CSGALNACT1: variants seen among roughly 807,000 people sequenced by gnomAD.
The protein encoded by CSGALNACT1 is chondroitin sulfate N-acetylgalactosaminyltransferase 1.
A neutral mutation model predicts 51.0 loss-of-function variants in CSGALNACT1; 52 were observed. That is an observed-to-expected ratio of 1.02 (90% CI 0.82 to 1.29). CSGALNACT1 has a LOEUF of 1.29. CSGALNACT1 is among the 50% of genes most tolerant of loss of function. The pLI is 0.00. For synonymous variants in CSGALNACT1, 341 were observed against 254.4 expected, an observed-to-expected ratio of 1.34 and a Z score of -3.24; for missense variants, 935 against 679.2, an observed-to-expected ratio of 1.38 and a Z score of -4.19.
At chr8:19,444,317 A>G (rs1487643016) in intron 5 of CSGALNACT1, among the ~76,000 whole-genome samples, 2 of 152,250 alleles carry the variant, frequency 1.3e-5, no homozygotes, top group Admixed American at 1.3e-4. Flanking sequence ...GACAAGGAAA[A>G]AAAAGTTTGT....
At chr8:19,585,496 C>G (rs553006747) in intron 3 of CSGALNACT1, among the ~76,000 whole-genome samples, 1 of 152,324 alleles carries the variant, frequency 6.6e-6, no homozygotes, top group African/African-American at 2.4e-5. Context: ...TAGGTAGATT[C>G]CTCCGACTTC....
intron 4 of CSGALNACT1, among the ~76,000 whole-genome samples, chr8:19,495,921 A>G (rs1168146604): frequency 6.6e-6 from 1 of 152,180 alleles, no homozygotes; most frequent in East Asian, 1.9e-4. Context: ...ACCAATACCC[A>G]TTTTAACTCC....
intron 1 of CSGALNACT1, among the ~76,000 whole-genome samples, chr8:19,628,432 C>A (rs1348652999): frequency 6.6e-6 from 1 of 152,190 alleles, no homozygotes; most frequent in African/African-American, 2.4e-5. Context: ...TGACCTCCCA[C>A]CAGGTCCCTC....
At chr8:19,651,491 C>T (rs903084543) in intron 1 of CSGALNACT1, among the ~76,000 whole-genome samples, 3 of 152,158 alleles carry the variant, frequency 2.0e-5, no homozygotes, top group Non-Finnish European at 4.4e-5. Flanking sequence ...GTTTAGCTCC[C>T]ACTTGTAAGC....
At chr8:19,719,884 A>G (rs571177210) in intron 1 of CSGALNACT1, among the ~76,000 whole-genome samples, 1 of 152,254 alleles carries the variant, frequency 6.6e-6, no homozygotes, top group Non-Finnish European at 1.5e-5. Flanking sequence ...AAGTATTGCC[A>G]CATGGCATAC....
chr8:19,659,194 A>T (rs947632618), intron 1 of CSGALNACT1, among the ~76,000 whole-genome samples: 3 of 152,240 alleles, frequency 2.0e-5, no homozygotes, highest in Non-Finnish European at 4.4e-5. Flanking sequence ...GGTATCTCAC[A>T]TAAGCTCAGT....
chr8:19,666,943 A>AAAAGAAAGAAAG (rs1159962282), intron 1 of CSGALNACT1, among the ~76,000 whole-genome samples: 4 of 79,478 alleles, frequency 5.0e-5, no homozygotes, highest in Admixed American at 1.4e-4. Context: ...GAGAGAGAGA[A>AAAAGAAAGAAAG]AAAGAAAGAA....
chr8:19,504,652 G>A (rs1173815593), intron 4 of CSGALNACT1, among the ~76,000 whole-genome samples: 1 of 152,206 alleles, frequency 6.6e-6, no homozygotes, highest in Non-Finnish European at 1.5e-5. Flanking sequence ...TAGAGGTTAA[G>A]GACATGGACT....
At chr8:19,410,843 A>G (rs2055533226) in intron 8 of CSGALNACT1, among the ~76,000 whole-genome samples, 1 of 152,208 alleles carries the variant, frequency 6.6e-6, no homozygotes, top group Non-Finnish European at 1.5e-5. Context: ...CACAGCATGT[A>G]ATTTCAGGGC....
exon 10 of CSGALNACT1, chr8:19,404,794 C>A: frequency 2.2e-6 from 1 of 454,524 alleles, no homozygotes; most frequent in South Asian, 1.6e-5. Context: ...ATCACGATAT[C>A]ACCAGTCTGA....
At chr8:19,528,724 C>T (rs567508038) in intron 3 of CSGALNACT1, among the ~76,000 whole-genome samples, 1 of 152,176 alleles carries the variant, frequency 6.6e-6, no homozygotes, top group Non-Finnish European at 1.5e-5. Flanking sequence ...TCACGACTTC[C>T]CATGGTATGC....
upstream of CSGALNACT1, among the ~76,000 whole-genome samples, chr8:19,684,768 A>G (rs2060879348): frequency 6.6e-6 from 1 of 152,194 alleles, no homozygotes; most frequent in Admixed American, 6.5e-5. Context: ...TTTCTGGCCA[A>G]CCACCTAAAA....
chr8:19,500,381 C>T (rs577296828), intron 4 of CSGALNACT1, among the ~76,000 whole-genome samples: 7 of 152,290 alleles, frequency 4.6e-5, no homozygotes, highest in Non-Finnish European at 8.8e-5. Flanking sequence ...TATTTCTGCA[C>T]CAAGATGTCC....
intron 1 of CSGALNACT1, among the ~76,000 whole-genome samples, chr8:19,673,040 C>T (rs969283103): frequency 2.0e-5 from 3 of 152,162 alleles, no homozygotes; most frequent in African/African-American, 4.8e-5. Context: ...ATCAAAGAGC[C>T]ATCTCAAAAC....
chr8:19,560,073 C>A (rs2040363987), intron 3 of CSGALNACT1, among the ~76,000 whole-genome samples: 1 of 152,102 alleles, frequency 6.6e-6, no homozygotes, highest in Non-Finnish European at 1.5e-5. Flanking sequence ...GAAATAGACC[C>A]CCACTTATAA....
chr8:19,716,612 C>CCAAAAAAAAAAAAAA (rs1414449293), intron 1 of CSGALNACT1, among the ~76,000 whole-genome samples: 2 of 41,968 alleles, frequency 4.8e-5, no homozygotes, highest in South Asian at 1.5e-3. Flanking sequence ...ACCCTCTCTA[C>CCAAAAAAAAAAAAAA]AAAAAAAAAA....
chr8:19,405,611 G>T (rs987778672), exon 10 of CSGALNACT1: 3 of 918,226 alleles, frequency 3.3e-6, no homozygotes, highest in African/African-American at 3.3e-5. Flanking sequence ...CGGAGATTTT[G>T]ATTTCTGTTG....
In CSGALNACT1 at chr8:19,553,642, A is replaced by ATAT. The variant is rs1187875232; in HGVS notation, c.-297+37517_-297+37518insATA. ...ATACATATATATATATATATATAAA[A>ATAT]AAATATGTCAGCCTTTCTATTACTT... is the stretch of plus-strand genomic sequence containing the variant. On this transcript the variant is annotated intron_variant, in intron 3 of 9. Transcript: ENST00000454498. Among the ~76,000 whole-genome samples the ATAT allele has an allele frequency of 2.0e-3, 215 of 106,782 alleles. 2 individuals are homozygous for ATAT. Among genetic ancestry groups the ATAT allele is most frequent in the African/African-American group, 7.5e-3 (197 of 26,386 alleles). The allele number at this position is 106,782 out of a possible 152,430, so 70.1% of individuals were successfully genotyped here.
At chr8:19,435,269 C>T (rs1168881475) in intron 6 of CSGALNACT1, among the ~76,000 whole-genome samples, 5 of 152,054 alleles carry the variant, frequency 3.3e-5, no homozygotes, top group Admixed American at 6.6e-5. Context: ...CCGAGGTGGG[C>T]GGATCACAAG....
Sources: gnomAD v4.1 joint callset for allele counts (sites outside exome capture counted in the v4.1 genomes callset) on GRCh38, gnomAD v4.1.1 for gene constraint, MANE v1.5 for transcripts, NCBI Gene and HGNC (gene_info 2026-07-23, HGNC 2026-07-21) for gene names.